Variants in SORL1 observed in about 807,000 individuals in gnomAD.
The protein encoded by SORL1 is sortilin-related receptor.
Under a neutral mutation model 273.7 loss-of-function variants are expected in SORL1, and 127 were observed. That is an observed-to-expected ratio of 0.46 (90% CI 0.40 to 0.54). SORL1 has a LOEUF of 0.54. Ranked by LOEUF, SORL1 falls within the 20% of genes least tolerant of loss-of-function variation. SORL1 has a pLI of 0.00. For missense variants in SORL1, 2,494 were observed against 2,846.1 expected (o/e 0.88, Z 2.81); for synonymous variants, 1,031 against 1,067.4 (o/e 0.97, Z 0.66).
At chr11:121,586,419 G>A in intron 27 of SORL1, 90 bp downstream of exon 27, 1 of 976,482 alleles carries the variant, frequency 1.0e-6, no homozygotes. Flanking sequence ...CATTTCCTCA[G>A]TACCTGCTTG....
intron 21 of SORL1, 57 bp from the exon 22 acceptor site, chr11:121,566,883 C>A: frequency 6.6e-7 from 1 of 1,507,386 alleles, no homozygotes; most frequent in South Asian, 1.2e-5. Flanking sequence ...TTCTTGTATT[C>A]AGTACCTCCC....
chr11:121,478,124 G>T lies in SORL1; in HGVS notation c.409G>T (p.Val137Leu). The T allele has an allele frequency of 1.2e-6, 2 of 1,611,942 alleles. No individual in the cohort carries two copies. Among genetic ancestry groups the T allele is most frequent in the Non-Finnish European group, 1.7e-6 (2 of 1,179,146 alleles). ...LARPKSSDVY[V>L]SYDYGKSFKK... is the part of the protein sequence containing the mutation. ...CCTTTTCTCTGTATTCCAGGTGTAC[G>T]TGTCTTACGACTATGGAAAATCATT... Residue 137 changes from valine (V) to leucine (L), a missense_variant, in exon 3 of 48, where the codon GTG becomes TTG. Coordinates refer to ENST00000260197, the MANE Select transcript of SORL1 (RefSeq NM_003105.6).
intron 8 of SORL1, among the ~76,000 whole-genome samples, chr11:121,515,168 G>A (rs748628742): frequency 6.6e-6 from 1 of 152,230 alleles, no homozygotes; most frequent in Non-Finnish European, 1.5e-5. Context: ...CTGCCAGACA[G>A]TGTTCTAGGT....
At chr11:121,592,870 C>T (rs1199761512) in intron 31 of SORL1, among the ~76,000 whole-genome samples, 2 of 152,248 alleles carry the variant, frequency 1.3e-5, no homozygotes, top group African/African-American at 4.8e-5. Flanking sequence ...CTGACCAGGA[C>T]ATTAATAGAC....
rs375095795 is a variant in SORL1 at position 121,520,570 on chromosome 11, A to G, written c.1212-87A>G. On this transcript the variant is annotated intron_variant, in intron 8 of 47. Transcript: ENST00000260197. ...AATGTGCTTAATGCCACAAAATTGT[A>G]TACTTTTAAATGGTCAAATTTTATG... 10 of 899,644 alleles carry G rather than the reference A, an allele frequency of 1.1e-5. No individual in the cohort carries two copies. The East Asian group carries it at 2.2e-4, about 19-fold the overall frequency. 55.7% of individuals were successfully genotyped at this position (899,644 alleles called of 1,614,324 possible).
In SORL1 at chr11:121,550,487, C is replaced by A; in HGVS notation, c.2181-98C>A. On this transcript the variant is annotated intron_variant, in intron 15 of 47. Transcript: ENST00000260197. The surrounding 1 kb of genome is among the most constrained non-coding windows in gnomAD (Gnocchi z 5.3). ...TTCTAAAGAGAAATGAGTGGATGGA[C>A]TCTACTGGCCGTGGGTAGTAAGTGT... 1.0e-6 allele frequency: 1 copy of A among 956,968 alleles called. No individual in the cohort carries two copies. The highest frequency in any genetic ancestry group is 1.9e-5 in the Admixed American group (1 of 52,658). 59.3% of individuals were successfully genotyped at this position (956,968 alleles called of 1,614,324 possible). A position where few individuals can be genotyped will look rare whatever the true frequency, so the allele number is the denominator to read the frequency against.
rs12285312 is a variant in SORL1, at chr11:121,519,292, T to G, written c.1212-1365T>G. 2.0e-5 allele frequency among the ~76,000 whole-genome samples: 3 copies of G among 152,136 alleles called. No individual in the cohort carries two copies. The South Asian group carries it at 6.2e-4, about 32-fold the overall frequency. On this transcript the variant is annotated intron_variant, in intron 8 of 47. Coordinates refer to ENST00000260197, the MANE Select transcript of SORL1 (RefSeq NM_003105.6). ...ACCTATGAACCCTGGTTACAATTTC[T>G]CAGAGATCCGCTCTATTTGTAATGC... is the stretch of plus-strand genomic sequence containing the variant.
intron 11 of SORL1, among the ~76,000 whole-genome samples, chr11:121,530,135 A>G (rs1402007360): frequency 6.6e-6 from 1 of 152,190 alleles, no homozygotes; most frequent in Non-Finnish European, 1.5e-5. Context: ...TATCACATCA[A>G]CACACATTAC....
At chr11:121,527,956 C>CT (rs1862147067) in intron 11 of SORL1, among the ~76,000 whole-genome samples, 1 of 151,696 alleles carries the variant, frequency 6.6e-6, no homozygotes, top group African/African-American at 2.4e-5. Flanking sequence ...TGTTTTGTTG[C>CT]TTTTTTTCTT....
chr11:121,522,851 G>C, intron 10 of SORL1, 65 bp from the exon 11 acceptor site: 2 of 1,473,408 alleles, frequency 1.4e-6, no homozygotes, highest in African/African-American at 1.4e-5. Flanking sequence ...AGAATTTCTG[G>C]CTGGGCAAGG....
Position 121,604,167 on chromosome 11 carries a change from A to G in SORL1, c.4520-26A>G, listed in dbSNP as rs766389145. On this transcript the variant is annotated intron_variant, in intron 32 of 47. Transcript: ENST00000260197. ...AGTACCATACGGCCCCTCCCCGTGG[A>G]CTTAAGAAGCCTCTCTGTGTTTCAG... 14 of 1,612,688 alleles carry G rather than the reference A, an allele frequency of 8.7e-6. No individual in the cohort carries two copies. The South Asian group carries it at 1.4e-4, about 16-fold the overall frequency.
At chr11:121,540,154 A>G (rs1862325377) in intron 12 of SORL1, among the ~76,000 whole-genome samples, 1 of 152,152 alleles carries the variant, frequency 6.6e-6, no homozygotes, top group African/African-American at 2.4e-5. Context: ...ACCTGAACTC[A>G]TCAGGAACTT....
At chr11:121,571,409 G>A (rs889755996) in intron 23 of SORL1, among the ~76,000 whole-genome samples, 7 of 152,246 alleles carry the variant, frequency 4.6e-5, no homozygotes, top group African/African-American at 9.6e-5. Flanking sequence ...GGACTTTATC[G>A]GAGAAGCAGT....
At chr11:121,604,166 G>A (rs538423188) in intron 32 of SORL1, 27 bp from the exon 33 acceptor site, 1 of 1,612,596 alleles carries the variant, frequency 6.2e-7, no homozygotes. Flanking sequence ...CCTCCCCGTG[G>A]ACTTAAGAAG....
At chr11:121,471,869 T>C (rs1404740449) in intron 2 of SORL1, among the ~76,000 whole-genome samples, 1 of 152,226 alleles carries the variant, frequency 6.6e-6, no homozygotes, top group Non-Finnish European at 1.5e-5. Context: ...ATGGCCAGTC[T>C]GGGTGTAGTG....
intron 11 of SORL1, among the ~76,000 whole-genome samples, chr11:121,532,214 T>C (rs1862212482): frequency 6.6e-6 from 1 of 152,236 alleles, no homozygotes; most frequent in Admixed American, 6.5e-5. Flanking sequence ...CATTTTAATA[T>C]TAAGCCCGTG....
At chr11:121,575,644 C>T (rs770369980) in intron 24 of SORL1, among the ~76,000 whole-genome samples, 12 of 152,244 alleles carry the variant, frequency 7.9e-5, no homozygotes, top group Non-Finnish European at 1.6e-4. Context: ...ATACCCCTAG[C>T]CTGGCTCTTG....
chr11:121,611,179 C>T (rs1293749672), intron 39 of SORL1, 21 bp downstream of exon 39: 2 of 1,503,706 alleles, frequency 1.3e-6, no homozygotes, highest in Non-Finnish European at 1.9e-6. Context: ...AATTTCAAGC[C>T]AGCAGCTGGA....
At chr11:121,467,614 A>G (rs1326615338) in intron 1 of SORL1, among the ~76,000 whole-genome samples, 1 of 151,802 alleles carries the variant, frequency 6.6e-6, no homozygotes, top group African/African-American at 2.4e-5. Context: ...CTGGTTCAAG[A>G]GTGCAGATGT....
Sources: gnomAD v4.1 joint callset for allele counts (sites outside exome capture counted in the v4.1 genomes callset) on GRCh38, gnomAD v4.1.1 for gene constraint, Gnocchi (gnomAD v3.1) non-coding constraint, MANE v1.5 for transcripts, NCBI Gene and HGNC (gene_info 2026-07-23, HGNC 2026-07-21) for gene names.